The following PRTG variants were observed in gnomAD, a reference collection of about 807,000 sequenced individuals.
PRTG encodes protogenin.
In PRTG, 67 loss-of-function variants were observed where a neutral mutation model predicts 122.5. That is an observed-to-expected ratio of 0.55 (90% CI 0.45 to 0.67). The LOEUF (loss-of-function observed/expected upper bound fraction) is 0.67. Ranked by LOEUF, PRTG falls within the 30% of genes least tolerant of loss-of-function variation. The probability of loss-of-function intolerance (pLI) is 0.00; values close to 1 mark genes in which losing one functional copy is unlikely to be tolerated. For missense variants in PRTG, 1,435 were observed against 1,415.4 expected, an observed-to-expected ratio of 1.01 and a Z score of -0.22; for synonymous variants, 554 against 501.1, an observed-to-expected ratio of 1.11 and a Z score of -1.41.
At chr15:55,730,893 T>C (rs1457015876) in intron 2 of PRTG, among the ~76,000 whole-genome samples, 1 of 152,204 alleles carries the variant, frequency 6.6e-6, no homozygotes, top group East Asian at 1.9e-4. Context: ...CCCTCCCAGC[T>C]TCCTATTCCT....
intron 8 of PRTG, among the ~76,000 whole-genome samples, chr15:55,676,140 C>T (rs528996299): frequency 2.0e-4 from 30 of 151,954 alleles, no homozygotes; most frequent in Non-Finnish European, 4.1e-4. Context: ...AGTTGTCCTG[C>T]GAAAGATCTC....
Position 55,672,534 on chromosome 15 carries a change from T to C in PRTG, c.1952A>G (p.Tyr651Cys). 1 of 1,614,092 alleles carries C rather than the reference T, an allele frequency of 6.2e-7. No homozygotes were observed. The highest frequency in any genetic ancestry group is 8.5e-7 in the Non-Finnish European group (1 of 1,179,982). Reference sequence around the variant, plus strand: ...CCCTTCTTCCTTGTAGTACAGCTTGTAGCCCTGAATAGCAGCTGTGTCCTC... The same window carrying C: ...CCCTTCTTCCTTGTAGTACAGCTTGCAGCCCTGAATAGCAGCTGTGTCCTC... ...DVEDTAAIQG[Y>C]KLYYKEEGQQ... Residue 651 changes from tyrosine (Y) to cysteine (C), a missense_variant, in exon 11 of 20, where the codon TAC becomes TGC. Transcript: ENST00000389286.
chr15:55,639,844 A>G lies in PRTG; in HGVS notation c.2138-16T>C. 6.2e-7 allele frequency: 1 copy of G among 1,612,720 alleles called. No individual in the cohort carries two copies. Among genetic ancestry groups the G allele is most frequent in the African/African-American group, 1.3e-5 (1 of 75,028 alleles). On this transcript the variant is annotated splice_polypyrimidine_tract_variant and intron_variant, in intron 12 of 19. Transcript: ENST00000389286. ...TCACGAACAGCTATTGAGAAAAACA[A>G]TGTTAATTTACGATACGACATAACA...
chr15:55,732,519 A>T (rs1291350937), intron 2 of PRTG, among the ~76,000 whole-genome samples: 1 of 104,262 alleles, frequency 9.6e-6, no homozygotes, highest in African/African-American at 3.7e-5. Context: ...TTTGAGACGG[A>T]GTTTCGCTCT....
intron 2 of PRTG, among the ~76,000 whole-genome samples, chr15:55,700,560 T>A (rs566094021): frequency 7.2e-5 from 11 of 152,082 alleles, no homozygotes; most frequent in African/African-American, 2.7e-4. Flanking sequence ...GGTGGGAGGA[T>A]CACTTGAACC....
At position 55,712,629 on chromosome 15, in the gene PRTG, A is replaced by G. The variant is rs73408381; in HGVS notation, c.397+27753T>C. On this transcript the variant is annotated intron_variant, in intron 2 of 19. Transcript: ENST00000389286. ...ATTGATAACTCAAAGGCCATGATGA[A>G]TCAACTTAAAACAATTTAGTGCCAA... Among the ~76,000 whole-genome samples, 1,194 of 152,330 alleles carry G rather than the reference A, an allele frequency of 7.8e-3. 22 individuals carry two copies. The highest frequency in any genetic ancestry group is 0.027 in the African/African-American group (1,142 of 41,564).
intron 2 of PRTG, among the ~76,000 whole-genome samples, chr15:55,723,437 G>C (rs1355481983): frequency 1.3e-5 from 2 of 150,814 alleles, no homozygotes; most frequent in African/African-American, 4.9e-5. Context: ...AGACATGTGG[G>C]GCACCATCAA....
chr15:55,635,074 G>GTGTGTGTGTGTGTGTGTGTGTGTGT (rs1567076962), intron 15 of PRTG, among the ~76,000 whole-genome samples: 27 of 135,412 alleles, frequency 2.0e-4, no homozygotes, highest in African/African-American at 5.8e-4. Flanking sequence ...GTTGGTTCTG[G>GTGTGTGTGTGTGTGTGTGTGTGTGT]GTGTGTGTGT....
intron 2 of PRTG, among the ~76,000 whole-genome samples, chr15:55,719,224 T>C (rs1358503150): frequency 2.6e-5 from 4 of 152,206 alleles, no homozygotes; most frequent in Admixed American, 2.6e-4. Flanking sequence ...TAATTGATTT[T>C]ACTAAAATAT....
chr15:55,738,650 TAAAACAGTACTATACAGA>T, intron 2 of PRTG: 1 of 600,888 alleles, frequency 1.7e-6, no homozygotes, highest in Non-Finnish European at 2.9e-6. Context: ...ACACTATCTT[TAAAACAGTACTATACAGA>T]AAAACCATTA....
rs1182695285 is a variant in PRTG at position 55,672,519 on chromosome 15, T to C, written c.1967A>G (p.Lys656Arg). Residue 656 changes from lysine to arginine, a missense_variant, in exon 11 of 20, where the codon AAG becomes AGG. Physicochemically the swap from Lys to Arg is conservative, Grantham distance 26 (BLOSUM62 2). Transcript: ENST00000389286. ...AAIQGYKLYYKEEGQQENGPI... is the reference protein window; with the variant it reads ...AAIQGYKLYYREEGQQENGPI... ...CCCATTCTCCTGCTGCCCTTCTTCC[T>C]TGTAGTACAGCTTGTAGCCCTGAAT... 2.5e-6 allele frequency: 4 copies of C among 1,614,110 alleles called. No homozygotes were observed. The highest frequency in any genetic ancestry group is 1.7e-5 in the Admixed American group (1 of 60,020).
chr15:55,672,672 C>G (rs766364574), intron 10 of PRTG, 39 bp from the exon 11 acceptor site: 1 of 1,483,780 alleles, frequency 6.7e-7, no homozygotes, highest in Admixed American at 2.0e-5. Flanking sequence ...ATAAACAACC[C>G]AATATCCACA....
intron 11 of PRTG, among the ~76,000 whole-genome samples, chr15:55,642,597 C>CA (rs10708251): frequency 0.025 from 2,399 of 95,064 alleles, 41 homozygotes; most frequent in African/African-American, 0.043. Context: ...AACTCCATCT[C>CA]AAAAAAAAAA....
At chr15:55,742,029 G>A (rs1373032835) in intron 1 of PRTG, 2 of 152,222 alleles carry the variant, frequency 1.3e-5, no homozygotes, top group African/African-American at 4.8e-5. Flanking sequence ...AAACCAATAC[G>A]GACGCAAGGT....
rs1217166015 is a variant in PRTG, at chr15:55,677,966, A to T, written c.1212T>A (p.Ile404=). Reference sequence around the variant, plus strand: ...CTACAGTCAGTCTGGCTCTAGATAAAATAGATCCTTGGCTATTCTCAGCCA... The same window carrying T: ...CTACAGTCAGTCTGGCTCTAGATAATATAGATCCTTGGCTATTCTCAGCCA... ...QCMAENSQGS[I]LSRARLTVVM... Residue 404 remains isoleucine, a synonymous_variant, in exon 8 of 20, where the codon ATT becomes ATA. Transcript: ENST00000389286. The T allele has an allele frequency of 3.7e-6, 6 of 1,612,962 alleles. No individual in the cohort carries two copies. Among genetic ancestry groups the T allele is most frequent in the Non-Finnish European group, 5.1e-6 (6 of 1,179,240 alleles).
intron 15 of PRTG, among the ~76,000 whole-genome samples, chr15:55,630,351 G>C (rs2059221020): frequency 6.6e-6 from 1 of 151,642 alleles, no homozygotes; most frequent in Non-Finnish European, 1.5e-5. Flanking sequence ...TTGAACTCCT[G>C]ACCTCAAGTA....
chr15:55,641,486 C>G (rs575000622), intron 11 of PRTG, among the ~76,000 whole-genome samples: 4 of 152,282 alleles, frequency 2.6e-5, no homozygotes, highest in Non-Finnish European at 4.4e-5. Flanking sequence ...CTTCCTTATC[C>G]TCTTCCTTAA....
intron 18 of PRTG, among the ~76,000 whole-genome samples, chr15:55,622,221 T>G (rs1465173051): frequency 1.3e-5 from 2 of 148,570 alleles, no homozygotes; most frequent in Non-Finnish European, 3.0e-5. Flanking sequence ...TACTTGTTTT[T>G]TTTTTTTTTT....
chr15:55,680,005 A>G lies in PRTG; in HGVS notation c.973+49T>C, dbSNP rs376531512. The G allele has an allele frequency of 3.9e-5, 59 of 1,503,824 alleles. No individual in the cohort carries two copies. In the African/African-American group the frequency reaches 7.3e-4, roughly 19 times the overall value. 93.2% of individuals were successfully genotyped at this position (1,503,824 alleles called of 1,614,324 possible). ...TAAGCTATGAATGAGATAAAACGGCAAATGTTAAAATGTAAGATTCCCCTG... is the reference window on the plus strand; with the variant it reads ...TAAGCTATGAATGAGATAAAACGGCGAATGTTAAAATGTAAGATTCCCCTG... On this transcript the variant is annotated intron_variant, in intron 6 of 19. Transcript: ENST00000389286.
Sources: gnomAD v4.1 joint callset for allele counts (sites outside exome capture counted in the v4.1 genomes callset) on GRCh38, gnomAD v4.1.1 for gene constraint, MANE v1.5 for transcripts, NCBI Gene and HGNC (gene_info 2026-07-23, HGNC 2026-07-21) for gene names.